MIS18A: variants seen among roughly 807,000 people sequenced by gnomAD.
The protein encoded by MIS18A is MIS18 kinetochore protein A.
In MIS18A, 14 loss-of-function variants were observed where a neutral mutation model predicts 25.0. That is an observed-to-expected ratio of 0.56 (90% CI 0.37 to 0.88). MIS18A has a LOEUF of 0.88. Ranked by LOEUF, MIS18A falls within the 40% of genes least tolerant of loss-of-function variation. MIS18A has a pLI of 0.00. For synonymous variants in MIS18A, 134 were observed against 118.6 expected, an observed-to-expected ratio of 1.13 and a Z score of -0.84; for missense variants, 292 against 290.8, an observed-to-expected ratio of 1.00 and a Z score of -0.03.
the MIS18A span, among the ~76,000 whole-genome samples, chr21:32,187,563 T>A: frequency 5.3e-5 from 8 of 152,306 alleles, no homozygotes; most frequent in South Asian, 2.1e-4. Context: ...ATACATTTTC[T>A]GAGCATCCAC....
At chr21:32,205,246 A>G in the MIS18A span, among the ~76,000 whole-genome samples, 1 of 151,506 alleles carries the variant, frequency 6.6e-6, no homozygotes, top group Admixed American at 6.6e-5. Context: ...CTGGGACTAC[A>G]GGCGCCTGCC....
At position 32,270,332 on chromosome 21, in the gene MIS18A, T is replaced by G. The variant is rs977555807; in HGVS notation, c.524+75A>C. ...AATATATTTAACCAAACAGTATTGA[T>G]TTAGTTCTGACAATTCCGTGCCTTA... On this transcript the variant is annotated intron_variant, in intron 3 of 4. Transcript: ENST00000290130. 8.4e-6 allele frequency: 13 copies of G among 1,541,794 alleles called. No homozygotes were observed. In the Admixed American group the frequency reaches 2.3e-4, roughly 27 times the overall value.
the MIS18A span, chr21:32,260,114 A>G: frequency 3.2e-5 from 3 of 93,622 alleles, no homozygotes; most frequent in Non-Finnish European, 5.9e-5. Context: ...TCCATTTACC[A>G]TCATAACTGG....
chr21:32,226,291 G>GA, the MIS18A span, among the ~76,000 whole-genome samples: 1 of 141,484 alleles, frequency 7.1e-6, no homozygotes, highest in Non-Finnish European at 1.5e-5. Flanking sequence ...AAAAAAAAAA[G>GA]AAAAAAAAAA....
rs1324023452 is a variant in MIS18A at position 32,278,737 on chromosome 21, C to G, written c.278G>C (p.Gly93Ala). 1 of 1,580,666 alleles carries G rather than the reference C, an allele frequency of 6.3e-7. No individual in the cohort carries two copies. Among genetic ancestry groups the G allele is most frequent in the Non-Finnish European group, 8.5e-7 (1 of 1,169,890 alleles). ...GCTGGCCACCCAGCTCAGCGAGTCG[C>G]CCAGCGGCCGCCGGCAGCCGGAGCA... The part of the protein sequence containing the change: ...FLCSGCRRPL[G>A]DSLSWVASQE... Residue 93 changes from glycine to alanine, a missense_variant, in exon 1 of 5, where the codon GGC (glycine) becomes GCC (alanine). Gly to Ala is a moderately conservative substitution (Grantham distance 60). Transcript: ENST00000290130.
the MIS18A span, among the ~76,000 whole-genome samples, chr21:32,242,549 G>T: frequency 4.6e-5 from 7 of 152,070 alleles, no homozygotes; most frequent in South Asian, 1.2e-3. Flanking sequence ...AAATGTCTCT[G>T]CTCCCTGTTT....
chr21:32,233,667 T>C, the MIS18A span, among the ~76,000 whole-genome samples: 1 of 152,276 alleles, frequency 6.6e-6, no homozygotes, highest in Admixed American at 6.5e-5. Flanking sequence ...CTGGGAGCTG[T>C]AATTCGTTTC....
At chr21:32,262,051 C>T in the MIS18A span, among the ~76,000 whole-genome samples, 2 of 152,204 alleles carry the variant, frequency 1.3e-5, no homozygotes, top group Non-Finnish European at 2.9e-5. Flanking sequence ...AAGAAGGCAG[C>T]CATGCACAGA....
the MIS18A span, among the ~76,000 whole-genome samples, chr21:32,198,241 C>T: frequency 1.1e-3 from 167 of 152,230 alleles, no homozygotes; most frequent in African/African-American, 3.9e-3. Flanking sequence ...GGCAGTTTTG[C>T]CAGGCAGTGC....
the MIS18A span, among the ~76,000 whole-genome samples, chr21:32,234,507 T>C: frequency 1.3e-5 from 2 of 152,210 alleles, no homozygotes; most frequent in Non-Finnish European, 2.9e-5. Context: ...TCTCAATTTA[T>C]AAGGCAATGG....
chr21:32,273,899 A>C (rs1376468997), intron 2 of MIS18A, among the ~76,000 whole-genome samples: 1 of 152,182 alleles, frequency 6.6e-6, no homozygotes, highest in African/African-American at 2.4e-5. Flanking sequence ...TTGCAGCAAC[A>C]ATTATATAGG....
the MIS18A span, among the ~76,000 whole-genome samples, chr21:32,169,660 T>G: frequency 2.0e-5 from 3 of 152,050 alleles, no homozygotes; most frequent in South Asian, 4.1e-4. Flanking sequence ...CACTGAACAC[T>G]GAAGATATAC....
chr21:32,256,106 A>C, the MIS18A span, among the ~76,000 whole-genome samples: 1 of 152,080 alleles, frequency 6.6e-6, no homozygotes, highest in African/African-American at 2.4e-5. Context: ...TCATTATTAA[A>C]CATTTTTTTG....
the MIS18A span, among the ~76,000 whole-genome samples, chr21:32,165,896 A>T: frequency 6.6e-6 from 1 of 152,182 alleles, no homozygotes; most frequent in Non-Finnish European, 1.5e-5. Context: ...GCTAACTGCT[A>T]TTCTACAGAC....
chr21:32,166,701 T>C, the MIS18A span, among the ~76,000 whole-genome samples: 1 of 152,150 alleles, frequency 6.6e-6, no homozygotes. Context: ...AATATGTAAA[T>C]AAGGGAGAAA....
chr21:32,240,511 G>A, the MIS18A span, among the ~76,000 whole-genome samples: 6 of 152,316 alleles, frequency 3.9e-5, no homozygotes, highest in Non-Finnish European at 5.9e-5. Flanking sequence ...CCAGTTGGTG[G>A]TATTTTCTTA....
At chr21:32,212,516 G>A in the MIS18A span, among the ~76,000 whole-genome samples, 40 of 152,190 alleles carry the variant, frequency 2.6e-4, no homozygotes, top group African/African-American at 2.4e-5. Context: ...GGAAGTAGGG[G>A]TGCTGCTCAG....
At position 32,269,134 on chromosome 21, in the gene MIS18A, AT is replaced by A. The variant is rs1569013405; in HGVS notation, c.622-18del. Reference sequence around the variant, plus strand: ...ATCTTCCATCTATTGAATTTAAAAAATAAAAAAATAAAGAAACACACATATA... The same window carrying A: ...ATCTTCCATCTATTGAATTTAAAAAAAAAAAAATAAAGAAACACACATATA... On this transcript the variant is annotated intron_variant, in intron 4 of 4. Coordinates refer to ENST00000290130, the MANE Select transcript of MIS18A (RefSeq NM_018944.3). 15 of 1,525,704 alleles carry A rather than the reference AT, an allele frequency of 9.8e-6. No homozygotes were observed. Among genetic ancestry groups the A allele is most frequent in the African/African-American group, 1.4e-5 (1 of 71,446 alleles). The allele number at this position is 1,525,704 out of a possible 1,614,324, so 94.5% of individuals were successfully genotyped here.
chr21:32,278,935 T>A lies in MIS18A; in HGVS notation c.80A>T (p.Asp27Val). The change falls in exon 1 of 5, where the codon GAC becomes GTC. Residue 27 changes from aspartate to valine, a missense_variant. Transcript: ENST00000290130. ...CECGDKGKCS[D>V]SSLLGKRLSE... ...GAGTCTCTTGCCCAACAGCGAGGAGTCGCTGCATTTGCCCTTGTCGCCGCA... is the reference window on the plus strand; with the variant it reads ...GAGTCTCTTGCCCAACAGCGAGGAGACGCTGCATTTGCCCTTGTCGCCGCA... 1 of 1,612,446 alleles carries A rather than the reference T, an allele frequency of 6.2e-7. No homozygotes were observed. Among genetic ancestry groups the A allele is most frequent in the Non-Finnish European group, 8.5e-7 (1 of 1,179,790 alleles).
Sources: gnomAD v4.1 joint callset for allele counts (sites outside exome capture counted in the v4.1 genomes callset) on GRCh38, gnomAD v4.1.1 for gene constraint, MANE v1.5 for transcripts, NCBI Gene and HGNC (gene_info 2026-07-23, HGNC 2026-07-21) for gene names.